The following ABCB5 variants were observed in gnomAD, a reference collection of about 807,000 sequenced individuals.
The protein encoded by ABCB5 is ATP binding cassette subfamily B member 5.
ABCB5 carries 155 observed loss-of-function variants against 144.2 expected under a neutral mutation model. The ratio of observed to expected loss-of-function variants is 1.08; its 90% confidence interval spans 0.94 to 1.23. ABCB5 has a LOEUF of 1.23. Ranked by LOEUF, ABCB5 falls within the 50% of genes most tolerant of loss-of-function variation. The pLI is 0.00. For missense variants in ABCB5, 1,830 were observed against 1,520.8 expected (o/e 1.20, Z -3.38); for synonymous variants, 610 against 528.6 (o/e 1.15, Z -2.11).
chr7:20,708,486 A>G (rs1160131818), intron 20 of ABCB5, among the ~76,000 whole-genome samples: 5 of 152,194 alleles, frequency 3.3e-5, no homozygotes, highest in Non-Finnish European at 7.3e-5. Flanking sequence ...CCTGGGTGAC[A>G]AAGTGAGATC....
intron 16 of ABCB5, among the ~76,000 whole-genome samples, chr7:20,691,246 G>A (rs1220142326): frequency 7.7e-6 from 1 of 130,302 alleles, no homozygotes; most frequent in Admixed American, 1.0e-4. Flanking sequence ...GTGCAATGGC[G>A]CAGTCTCGGC....
intron 1 of ABCB5, among the ~76,000 whole-genome samples, chr7:20,619,489 A>T (rs186578151): frequency 1.3e-5 from 2 of 152,230 alleles, no homozygotes; most frequent in African/African-American, 4.8e-5. Context: ...TTCTCTTGAG[A>T]AGTGTTTGTT....
At chr7:20,699,620 G>C (rs1174559502) in intron 17 of ABCB5, among the ~76,000 whole-genome samples, 1 of 151,876 alleles carries the variant, frequency 6.6e-6, no homozygotes, top group African/African-American at 2.4e-5. Context: ...AGAATCACTT[G>C]AACCTGGGAG....
At chr7:20,644,840 A>G in intron 7 of ABCB5, among the ~76,000 whole-genome samples, 1 of 152,210 alleles carries the variant, frequency 6.6e-6, no homozygotes, top group Non-Finnish European at 1.5e-5. Context: ...AGGCTTGGAG[A>G]TTTGGACAGC....
Position 20,626,572 on chromosome 7 carries a change from GC to G in ABCB5, c.71del (p.Pro24GlnfsTer3), listed in dbSNP as rs1783914068. On this transcript the variant is annotated frameshift_variant, in exon 3 of 28. Transcript: ENST00000404938. LOFTEE classifies it high-confidence loss of function. Reference protein sequence around the residue: ...YQRNGTAEEQPKLRKEAVGSI... With the variant: ...YQRNGTAEEQXKLRKEAVGSI... ...TATTTTCCAGAACTGCAGAAGAACA[GC>G]CAAAACTGAGAAAGGAAGCAGTTGG... 2 of 1,607,870 alleles carry G rather than the reference GC, an allele frequency of 1.2e-6. No individual in the cohort carries two copies. The highest frequency in any genetic ancestry group is 2.7e-5 in the African/African-American group (2 of 74,866).
intron 14 of ABCB5, among the ~76,000 whole-genome samples, chr7:20,668,571 A>G (rs1291362889): frequency 1.8e-3 from 241 of 136,586 alleles, no homozygotes; most frequent in African/African-American, 6.7e-3. Flanking sequence ...CCCGGCAGCC[A>G]CCCCGTCCGG....
intron 23 of ABCB5, among the ~76,000 whole-genome samples, chr7:20,730,983 C>G (rs1782190992): frequency 6.6e-6 from 1 of 152,130 alleles, no homozygotes; most frequent in Admixed American, 6.6e-5. Context: ...TTTCCAAATT[C>G]TCACAGAAGA....
chr7:20,667,051 A>G, intron 14 of ABCB5: 1 of 550,740 alleles, frequency 1.8e-6, no homozygotes, highest in Non-Finnish European at 2.5e-6. Flanking sequence ...GTATTTTTCT[A>G]GTACACTTGA....
intron 20 of ABCB5, among the ~76,000 whole-genome samples, chr7:20,722,314 C>T (rs1437983082): frequency 6.6e-6 from 1 of 152,126 alleles, no homozygotes; most frequent in Admixed American, 6.6e-5. Flanking sequence ...ATTGAGAAGA[C>T]AAAGGAAATC....
chr7:20,643,864 C>G (rs945952288), intron 7 of ABCB5, among the ~76,000 whole-genome samples: 6 of 152,136 alleles, frequency 3.9e-5, no homozygotes, highest in African/African-American at 1.4e-4. Flanking sequence ...GAAAACATTT[C>G]TCTTCATTTA....
intron 5 of ABCB5, among the ~76,000 whole-genome samples, chr7:20,636,716 T>G (rs1784164648): frequency 6.9e-6 from 1 of 145,014 alleles, no homozygotes. Context: ...ACCTGGGAGT[T>G]AGAGGTTGCA....
intron 5 of ABCB5, among the ~76,000 whole-genome samples, chr7:20,640,754 A>C (rs907837019): frequency 6.6e-6 from 1 of 152,212 alleles, no homozygotes; most frequent in Non-Finnish European, 1.5e-5. Flanking sequence ...TTAGAAAAAA[A>C]ACTTTAGCAA....
chr7:20,680,906 A>G (rs1045808165), intron 14 of ABCB5, among the ~76,000 whole-genome samples: 1 of 152,032 alleles, frequency 6.6e-6, no homozygotes, highest in African/African-American at 2.4e-5. Flanking sequence ...CAAGGATAAG[A>G]TACTTGAATA....
intron 14 of ABCB5, among the ~76,000 whole-genome samples, chr7:20,674,410 T>A (rs1362640317): frequency 1.3e-5 from 2 of 151,946 alleles, no homozygotes; most frequent in Non-Finnish European, 2.9e-5. Flanking sequence ...AGGGTTTTTC[T>A]TCTTTAAATA....
chr7:20,618,764 C>CTTTTTTTTTTTTTTTTTTTT (rs59970398), intron 1 of ABCB5, among the ~76,000 whole-genome samples: 4 of 51,576 alleles, frequency 7.8e-5, no homozygotes, highest in Non-Finnish European at 1.0e-4. Context: ...GCTGCATTTT[C>CTTTTTTTTTTTTTTTTTTTT]TTTTTTTTTT....
intron 18 of ABCB5, 27 bp downstream of exon 18, chr7:20,699,956 C>T (rs766517522): frequency 5.0e-6 from 8 of 1,600,136 alleles, no homozygotes; most frequent in Non-Finnish European, 6.8e-6. Flanking sequence ...CAAGCCTGAG[C>T]ATGATTACTT....
chr7:20,650,102 G>A lies in ABCB5; in HGVS notation c.1287G>A (p.Thr429=), dbSNP rs777749625. The A allele has an allele frequency of 1.5e-5, 25 of 1,613,494 alleles. No homozygotes were observed. The highest frequency in any genetic ancestry group is 1.1e-4 in the East Asian group (5 of 44,886). ...LVGLNGSGKS[T]VVQLLQRLYD... is the part of the protein sequence containing the mutation. ...GTCTCAATGGCAGTGGGAAGAGTAC[G>A]GTAGTCCAGCTTCTGCAGAGGTTAT... is the stretch of plus-strand genomic sequence containing the variant. The change falls in exon 12 of 28, where the codon ACG becomes ACA. Residue 429 remains threonine, a synonymous_variant. Transcript: ENST00000404938.
In ABCB5 at chr7:20,638,156, AT is replaced by A. The variant is rs573256826; in HGVS notation, c.315-5022del. Among the ~76,000 whole-genome samples, 220 of 152,228 alleles carry A rather than the reference AT, an allele frequency of 1.4e-3. 5 individuals are homozygous for A. In the South Asian group the frequency reaches 0.019, roughly 13 times the overall value. ...GTGCTTCTATAAAATTATTTAAATT[AT>A]TTTTTCTGATTAAATCATATTTTCA... is the stretch of plus-strand genomic sequence containing the variant. On this transcript the variant is annotated intron_variant, in intron 5 of 27. Coordinates refer to ENST00000404938, the MANE Select transcript of ABCB5 (RefSeq NM_001163941.2).
intron 14 of ABCB5, among the ~76,000 whole-genome samples, chr7:20,664,955 T>A (rs1039363612): frequency 1.1e-4 from 16 of 152,198 alleles, no homozygotes; most frequent in African/African-American, 3.4e-4. Flanking sequence ...TTTTAAAAGT[T>A]CAATGAAGAG....
Sources: gnomAD v4.1 joint callset for allele counts (sites outside exome capture counted in the v4.1 genomes callset) on GRCh38, gnomAD v4.1.1 for gene constraint, MANE v1.5 for transcripts, NCBI Gene and HGNC (gene_info 2026-07-23, HGNC 2026-07-21) for gene names.